INSR: variants seen among roughly 807,000 people sequenced by gnomAD.
INSR encodes IR.
INSR carries 67 observed loss-of-function variants against 142.6 expected under a neutral mutation model. That is an observed-to-expected ratio of 0.47 (90% CI 0.39 to 0.58). The LOEUF (loss-of-function observed/expected upper bound fraction) is 0.58, where lower values mean the gene tolerates loss of function less well. Ranked by LOEUF, INSR falls within the 20% of genes least tolerant of loss-of-function variation. The pLI is 0.00. For synonymous variants in INSR, 756 were observed against 743.1 expected, an observed-to-expected ratio of 1.02 and a Z score of -0.28; for missense variants, 1,248 against 1,833.2, an observed-to-expected ratio of 0.68 and a Z score of 5.83.
chr19:7,259,593 C>T (rs1008477827), intron 2 of INSR, among the ~76,000 whole-genome samples: 50 of 152,108 alleles, frequency 3.3e-4, no homozygotes, highest in African/African-American at 1.1e-3. Flanking sequence ...CCAAGGCAGG[C>T]GGATCACTTG....
chr19:7,210,518 C>T (rs1245131321), intron 2 of INSR, among the ~76,000 whole-genome samples: 2 of 151,956 alleles, frequency 1.3e-5, no homozygotes, highest in African/African-American at 4.8e-5. Context: ...CCACTTTCTC[C>T]TCGCTGTGCG....
At position 7,264,388 on chromosome 19, in the gene INSR, C is replaced by A. The variant is rs554645228; in HGVS notation, c.652+2957G>T. 5.1e-4 allele frequency among the ~76,000 whole-genome samples: 77 copies of A among 152,134 alleles called. 1 individual carries two copies. The highest frequency in any genetic ancestry group is 8.4e-4 in the Non-Finnish European group (57 of 68,032). ...CAACAACTGAACACCCAGCAGGGAG[C>A]AGGAGACTCAATTGCAGATAACACC... On this transcript the variant is annotated intron_variant, in intron 2 of 21. Transcript: ENST00000302850.
At chr19:7,177,702 ATTTTTT>A (rs71177166) in intron 3 of INSR, among the ~76,000 whole-genome samples, 3,233 of 90,694 alleles carry the variant, frequency 0.036, 140 homozygotes, top group African/African-American at 0.13. Flanking sequence ...CTAATTTTGT[ATTTTTT>A]TTTTTTTTTT....
At chr19:7,172,180 G>A in intron 5 of INSR, 110 bp downstream of exon 5, 2 of 1,185,808 alleles carry the variant, frequency 1.7e-6, no homozygotes, top group Non-Finnish European at 2.5e-6. Context: ...CTAAAATGCT[G>A]GGATTACAGG....
rs760578980 is a variant in INSR, at chr19:7,123,823, C to T, written c.3259-834G>A. On this transcript the variant is annotated intron_variant, in intron 17 of 21. Coordinates refer to ENST00000302850, the MANE Select transcript of INSR (RefSeq NM_000208.4). Reference sequence around the variant, plus strand: ...CTGTTATCCCAGCTACTCAGGAGGCCGCGGCAGGAGAATTGCTTGAACCTG... The same window carrying T: ...CTGTTATCCCAGCTACTCAGGAGGCTGCGGCAGGAGAATTGCTTGAACCTG... Among the ~76,000 whole-genome samples, 25 of 151,824 alleles carry T rather than the reference C, an allele frequency of 1.6e-4. No individual in the cohort carries two copies. In the South Asian group the frequency reaches 1.7e-3, roughly 10 times the overall value.
chr19:7,165,769 G>A (rs1400106342), intron 8 of INSR, among the ~76,000 whole-genome samples: 2 of 150,850 alleles, frequency 1.3e-5, no homozygotes, highest in African/African-American at 4.9e-5. Context: ...AGGCTGAGGT[G>A]GGAGAATTAC....
chr19:7,251,579 TG>T (rs1976730719), intron 2 of INSR, among the ~76,000 whole-genome samples: 1 of 151,692 alleles, frequency 6.6e-6, no homozygotes, highest in African/African-American at 2.4e-5. Context: ...TTTTTTTTAA[TG>T]GGCAAAGCTA....
intron 2 of INSR, among the ~76,000 whole-genome samples, chr19:7,247,298 T>C (rs1026225636): frequency 2.0e-5 from 3 of 152,182 alleles, no homozygotes; most frequent in Non-Finnish European, 4.4e-5. Flanking sequence ...AATGCACTGT[T>C]CTCTGTTCCC....
At chr19:7,221,528 C>T (rs140327140) in intron 2 of INSR, among the ~76,000 whole-genome samples, 20 of 151,968 alleles carry the variant, frequency 1.3e-4, no homozygotes, top group East Asian at 3.9e-4. Context: ...GCCAGCACGG[C>T]GAAACCCCGT....
At chr19:7,210,046 T>C (rs1483096996) in intron 2 of INSR, among the ~76,000 whole-genome samples, 1 of 151,764 alleles carries the variant, frequency 6.6e-6, no homozygotes, top group East Asian at 1.9e-4. Context: ...GAAGTATTAC[T>C]AAGGGAGAAC....
intron 2 of INSR, among the ~76,000 whole-genome samples, chr19:7,220,607 A>G (rs1975582779): frequency 6.6e-6 from 1 of 151,950 alleles, no homozygotes; most frequent in Non-Finnish European, 1.5e-5. Flanking sequence ...TATTTTTACA[A>G]CTTGTGCCAA....
At chr19:7,189,333 A>G (rs1004664919) in intron 2 of INSR, among the ~76,000 whole-genome samples, 6 of 152,204 alleles carry the variant, frequency 3.9e-5, no homozygotes, top group African/African-American at 1.2e-4. Context: ...TTATCCAACC[A>G]TTGCAAACAA....
chr19:7,256,586 G>A (rs1976900142), intron 2 of INSR, among the ~76,000 whole-genome samples: 2 of 151,958 alleles, frequency 1.3e-5, no homozygotes, highest in Admixed American at 6.6e-5. Flanking sequence ...GTAACGTGGT[G>A]AAACCCCATG....
At chr19:7,250,600 GA>G (rs1291790060) in intron 2 of INSR, among the ~76,000 whole-genome samples, 2 of 130,962 alleles carry the variant, frequency 1.5e-5, no homozygotes, top group African/African-American at 5.9e-5. Context: ...GAAGGAAGGA[GA>G]GGAGGGAGGG....
At chr19:7,252,273 G>T (rs913550007) in intron 2 of INSR, among the ~76,000 whole-genome samples, 1 of 152,058 alleles carries the variant, frequency 6.6e-6, no homozygotes, top group Non-Finnish European at 1.5e-5. Context: ...GTAGCCAGGC[G>T]TGGTGGTGTT....
intron 2 of INSR, among the ~76,000 whole-genome samples, chr19:7,211,300 C>A (rs10405423): frequency 0.72 from 108,818 of 152,082 alleles, 39,356 homozygotes; most frequent in East Asian, 0.84. Flanking sequence ...CTCCTGGCCT[C>A]GAGAATTCCT....
Position 7,171,513 on chromosome 19 carries a change from T to C in INSR, c.1269-762A>G, listed in dbSNP as rs538915361. Among the ~76,000 whole-genome samples, 8 of 152,190 alleles carry C rather than the reference T, an allele frequency of 5.3e-5. No individual in the cohort carries two copies. In the East Asian group the frequency reaches 1.5e-3, roughly 29 times the overall value. ...TCAATCTTGATCTAGCTAGTTTGAG[T>C]TTCTGCTGTTTTGCTAATAGAGTTT... On this transcript the variant is annotated intron_variant, in intron 5 of 21. Coordinates refer to ENST00000302850, the MANE Select transcript of INSR (RefSeq NM_000208.4).
At chr19:7,134,976 T>A (rs1332263142) in intron 13 of INSR, among the ~76,000 whole-genome samples, 3 of 90 alleles carry the variant, frequency 0.033, no homozygotes, top group Non-Finnish European at 0.083. Flanking sequence ...CCTGCAAGCA[T>A]CGAGCCCAAA....
At chr19:7,139,329 A>G (rs1973012489) in intron 13 of INSR, among the ~76,000 whole-genome samples, 1 of 152,250 alleles carries the variant, frequency 6.6e-6, no homozygotes, top group Admixed American at 6.5e-5. Context: ...AACAATAACT[A>G]AAGCTGTCAA....
Sources: allele counts gnomAD v4.1 joint callset (sites outside exome capture counted in the v4.1 genomes callset), GRCh38; gene constraint gnomAD v4.1.1; transcripts MANE v1.5; gene names NCBI Gene and HGNC (gene_info 2026-07-23, HGNC 2026-07-21).